OXCT1: variants seen among roughly 807,000 people sequenced by gnomAD.
OXCT1 encodes the protein succinyl-CoA:3-ketoacid coenzyme A transferase 1, mitochondrial.
A neutral mutation model predicts 69.6 loss-of-function variants in OXCT1; 27 were observed. That is an observed-to-expected ratio of 0.39 (90% CI 0.29 to 0.54). OXCT1 has a LOEUF of 0.54. OXCT1 is among the 20% of genes least tolerant of loss of function. The probability of loss-of-function intolerance (pLI) is 0.72; values close to 1 mark genes in which losing one functional copy is unlikely to be tolerated. For synonymous variants in OXCT1, 202 were observed against 217.8 expected, an observed-to-expected ratio of 0.93 and a Z score of 0.64; for missense variants, 437 against 650.2, an observed-to-expected ratio of 0.67 and a Z score of 3.57.
chr5:41,847,622 C>T (rs1200612336), intron 5 of OXCT1, among the ~76,000 whole-genome samples: 4 of 151,364 alleles, frequency 2.6e-5, no homozygotes, highest in Non-Finnish European at 3.0e-5. Flanking sequence ...AAGGCTGGTT[C>T]AATATACACA....
intron 7 of OXCT1, among the ~76,000 whole-genome samples, chr5:41,836,748 C>A (rs1051238667): frequency 6.6e-6 from 1 of 152,120 alleles, no homozygotes; most frequent in Non-Finnish European, 1.5e-5. Context: ...AGGCAGAGCT[C>A]AGGCAGTAAT....
rs770482011 is a variant in OXCT1 at position 41,853,574 on chromosome 5, A to T, written c.279-20T>A. ...TCAACCCTAGAAGGAAAATGAAGGGAGCTTACCAAAGAGCATCTGACAGAA... is the reference window on the plus strand; with the variant it reads ...TCAACCCTAGAAGGAAAATGAAGGGTGCTTACCAAAGAGCATCTGACAGAA... On this transcript the variant is annotated intron_variant, in intron 3 of 16. Coordinates refer to ENST00000196371, the MANE Select transcript of OXCT1 (RefSeq NM_000436.4). 1 of 1,612,822 alleles carries T rather than the reference A, an allele frequency of 6.2e-7. No individual in the cohort carries two copies.
rs939035486 is a variant in OXCT1, at chr5:41,731,588, A to G, written c.*141T>C. On this transcript the variant is annotated 3_prime_UTR_variant, in exon 17 of 17. Coordinates refer to ENST00000196371, the MANE Select transcript of OXCT1 (RefSeq NM_000436.4). ...ACAGCATGCCTAGAGAACAGTTTAT[A>G]TGGCTGCATAAAGTCTGAAACACAA... 2 of 1,227,776 alleles carry G rather than the reference A, an allele frequency of 1.6e-6. No individual in the cohort carries two copies. The highest frequency in any genetic ancestry group is 2.3e-6 in the Non-Finnish European group (2 of 867,170). 76.1% of individuals were successfully genotyped at this position (1,227,776 alleles called of 1,614,324 possible).
At chr5:41,837,823 A>C (rs964137021) in intron 7 of OXCT1, among the ~76,000 whole-genome samples, 2 of 152,142 alleles carry the variant, frequency 1.3e-5, no homozygotes, top group African/African-American at 4.8e-5. Flanking sequence ...GGTTCCACCT[A>C]AGCTGTGTGA....
chr5:41,739,430 G>C lies in OXCT1; in HGVS notation c.1481C>G (p.Thr494Arg). 1 of 1,613,754 alleles carries C rather than the reference G, an allele frequency of 6.2e-7. No homozygotes were observed. Among genetic ancestry groups the C allele is most frequent in the Non-Finnish European group, 8.5e-7 (1 of 1,179,658 alleles). ...LTLIELWEGL[T>R]VDDVQKSTGC... ...AGTACTCTTCTGTACGTCATCCACT[G>C]TCAGGCCTTCCCAGAGCTCAATCAG... Residue 494 changes from threonine to arginine, a missense_variant, in exon 16 of 17, where the codon ACA becomes AGA. Coordinates refer to ENST00000196371, the MANE Select transcript of OXCT1 (RefSeq NM_000436.4).
chr5:41,735,925 C>T (rs1742864275), intron 16 of OXCT1, among the ~76,000 whole-genome samples: 1 of 152,316 alleles, frequency 6.6e-6, no homozygotes, highest in Middle Eastern at 3.4e-3. Context: ...ATGAAGGCTA[C>T]CCTTGTGGGA....
At chr5:41,840,389 T>G (rs1748568503) in intron 7 of OXCT1, 62 bp downstream of exon 7, 14 of 1,260,216 alleles carry the variant, frequency 1.1e-5, no homozygotes, top group Non-Finnish European at 1.6e-5. Flanking sequence ...TACTTTTTCT[T>G]GAATTAATAC....
chr5:41,801,695 A>C (rs981191792), intron 10 of OXCT1, among the ~76,000 whole-genome samples: 2 of 152,212 alleles, frequency 1.3e-5, no homozygotes, highest in East Asian at 3.9e-4. Context: ...GTAGGCCTGA[A>C]TTTGGGTTTC....
At chr5:41,818,037 C>A (rs1233139292) in intron 7 of OXCT1, among the ~76,000 whole-genome samples, 1 of 152,154 alleles carries the variant, frequency 6.6e-6, no homozygotes, top group African/African-American at 2.4e-5. Context: ...TCTAAGCCTG[C>A]AAAGTGTTGT....
At chr5:41,817,517 ACT>A (rs1213755247) in intron 7 of OXCT1, among the ~76,000 whole-genome samples, 1 of 152,160 alleles carries the variant, frequency 6.6e-6, no homozygotes, top group Non-Finnish European at 1.5e-5. Flanking sequence ...GATATTGAAC[ACT>A]CTAGATTAAT....
At position 41,801,074 on chromosome 5, in the gene OXCT1, T is replaced by C. The variant is rs2112257185; in HGVS notation, c.1051-4A>G. ...CATGTTGTCGTGGATATGGACCCTG[T>C]CAAATACAACATACATTCAATTAGT... On this transcript the variant is annotated splice_region_variant and splice_polypyrimidine_tract_variant and intron_variant, in intron 10 of 16. Coordinates refer to ENST00000196371, the MANE Select transcript of OXCT1 (RefSeq NM_000436.4). 6.2e-7 allele frequency: 1 copy of C among 1,604,764 alleles called. No individual in the cohort carries two copies. Among genetic ancestry groups the C allele is most frequent in the East Asian group, 2.2e-5 (1 of 44,792 alleles).
chr5:41,819,453 C>T (rs1747428069), intron 7 of OXCT1, among the ~76,000 whole-genome samples: 1 of 152,118 alleles, frequency 6.6e-6, no homozygotes, highest in Non-Finnish European at 1.5e-5. Context: ...TCACTGCAAC[C>T]TCCGCCTCCC....
chr5:41,851,680 G>T (rs1394565008), intron 4 of OXCT1, among the ~76,000 whole-genome samples: 1 of 151,944 alleles, frequency 6.6e-6, no homozygotes, highest in African/African-American at 2.4e-5. Flanking sequence ...GTTGGGGAAG[G>T]AGACACTGAC....
intron 7 of OXCT1, among the ~76,000 whole-genome samples, chr5:41,831,245 C>A (rs1317889305): frequency 1.3e-5 from 2 of 152,164 alleles, no homozygotes; most frequent in Non-Finnish European, 2.9e-5. Flanking sequence ...CTCCAAACCA[C>A]CAGGGAAGCT....
chr5:41,767,704 T>C (rs914361482), intron 13 of OXCT1, among the ~76,000 whole-genome samples: 2 of 114,824 alleles, frequency 1.7e-5, no homozygotes, highest in African/African-American at 7.7e-5. Flanking sequence ...CTATCTAGTA[T>C]CTAATATATA....
chr5:41,828,385 A>G (rs1411322371), intron 7 of OXCT1, among the ~76,000 whole-genome samples: 1 of 151,924 alleles, frequency 6.6e-6, no homozygotes, highest in Non-Finnish European at 1.5e-5. Context: ...AGGCCTCCCA[A>G]ATTGCTGGGA....
chr5:41,822,059 CCTT>C (rs1747580994), intron 7 of OXCT1, among the ~76,000 whole-genome samples: 1 of 152,078 alleles, frequency 6.6e-6, no homozygotes, highest in Non-Finnish European at 1.5e-5. Context: ...GTTCTTTACT[CCTT>C]CTTGAGTTAG....
chr5:41,769,214 G>A (rs957671253), intron 13 of OXCT1, among the ~76,000 whole-genome samples: 11 of 152,040 alleles, frequency 7.2e-5, no homozygotes, highest in African/African-American at 2.7e-4. Context: ...GTAGTGACAA[G>A]GCCATACAAG....
chr5:41,807,556 T>C (rs1020944024), intron 7 of OXCT1, 118 bp from the exon 8 acceptor site: 4 of 686,212 alleles, frequency 5.8e-6, no homozygotes, highest in South Asian at 1.6e-5. Flanking sequence ...TGACGGAATA[T>C]GGACATATAT....
Sources: gnomAD v4.1 joint callset for allele counts (sites outside exome capture counted in the v4.1 genomes callset) on GRCh38, gnomAD v4.1.1 for gene constraint, MANE v1.5 for transcripts, NCBI Gene and HGNC (gene_info 2026-07-23, HGNC 2026-07-21) for gene names.